Variants in TUBGCP3 observed in about 807,000 individuals in gnomAD.
TUBGCP3 encodes the protein tubulin gamma complex component 3, also known as gamma-tubulin complex component 3.
A neutral mutation model predicts 123.1 loss-of-function variants in TUBGCP3; 50 were observed. That is an observed-to-expected ratio of 0.41 (90% confidence interval 0.32 to 0.51). The LOEUF is 0.51. Among genes scored for constraint, TUBGCP3 ranks in the 20% least tolerant of loss-of-function variants. The pLI is 0.36. For missense variants in TUBGCP3, 882 were observed against 1,127.0 expected (o/e 0.78, Z 3.11); for synonymous variants, 405 against 413.9 (o/e 0.98, Z 0.26).
At chr13:112,587,870 G>T in intron 1 of TUBGCP3, 35 bp downstream of exon 1, 1 of 1,565,130 alleles carries the variant, frequency 6.4e-7, no homozygotes, top group Non-Finnish European at 8.7e-7. Context: ...CCCCCGGGAC[G>T]GGTCTGCGGG....
chr13:112,549,908 T>C lies in TUBGCP3; in HGVS notation c.967-1732A>G, dbSNP rs375243289. On this transcript the variant is annotated intron_variant, in intron 8 of 21. Coordinates refer to ENST00000261965, the MANE Select transcript of TUBGCP3 (RefSeq NM_006322.6). The stretch of plus-strand genomic sequence containing the variant: ...AGGAGGCTGAGGCAGGAGAATGGCT[T>C]GAACACAGGAGGCGGGGCTTGCAGT... Among the ~76,000 whole-genome samples, 4 of 144,738 alleles carry C rather than the reference T, an allele frequency of 2.8e-5. No individual in the cohort carries two copies. The East Asian group carries it at 6.1e-4, about 22-fold the overall frequency. 95.0% of individuals were successfully genotyped at this position (144,738 alleles called of 152,430 possible).
chr13:112,577,269 T>C (rs546461250), intron 1 of TUBGCP3, among the ~76,000 whole-genome samples: 1 of 152,244 alleles, frequency 6.6e-6, no homozygotes, highest in East Asian at 1.9e-4. Context: ...ACACACACCT[T>C]AGCCAAGCGA....
At chr13:112,553,342 C>T (rs781377264) in intron 8 of TUBGCP3, among the ~76,000 whole-genome samples, 11 of 152,242 alleles carry the variant, frequency 7.2e-5, no homozygotes, top group Admixed American at 1.3e-4. Flanking sequence ...TCCTGTGCTA[C>T]GCTGAGCTTA....
intron 19 of TUBGCP3, among the ~76,000 whole-genome samples, chr13:112,500,106 G>A (rs1213165247): frequency 1.3e-5 from 2 of 152,178 alleles, no homozygotes; most frequent in African/African-American, 4.8e-5. Context: ...AGTGTGCTAT[G>A]ACTGAAGAGA....
chr13:112,555,099 C>T (rs1218081328), intron 6 of TUBGCP3, 94 bp from the exon 7 acceptor site: 5 of 740,114 alleles, frequency 6.8e-6, no homozygotes, highest in Non-Finnish European at 1.1e-5. Context: ...TAGATATTTG[C>T]CACCCCGATG....
chr13:112,543,115 A>G (rs559400144), intron 11 of TUBGCP3, among the ~76,000 whole-genome samples: 2 of 152,290 alleles, frequency 1.3e-5, no homozygotes, highest in East Asian at 3.9e-4. Context: ...GCGCCACTGC[A>G]CTCCAGCCTG....
Position 112,519,519 on chromosome 13 carries a change from C to T in TUBGCP3, c.1881+367G>A, listed in dbSNP as rs1038720099. Among the ~76,000 whole-genome samples, 17 of 152,202 alleles carry T rather than the reference C, an allele frequency of 1.1e-4. No homozygotes were observed. The highest frequency in any genetic ancestry group is 3.4e-4 in the African/African-American group (14 of 41,450). The stretch of plus-strand genomic sequence containing the variant: ...GCATCCATTTTCTGATAAATACCAT[C>T]GTACACCATGTCTTGTGCTCCTGTT... On this transcript the variant is annotated intron_variant, in intron 15 of 21. Transcript: ENST00000261965. The surrounding 1 kb of genome is among the most constrained non-coding windows in gnomAD (Gnocchi z 6.2).
Position 112,527,021 on chromosome 13 carries a change from G to T in TUBGCP3, c.1476C>A (p.Phe492Leu). The T allele has an allele frequency of 1.2e-6, 2 of 1,613,214 alleles. No homozygotes were observed. The highest frequency in any genetic ancestry group is 1.7e-6 in the Non-Finnish European group (2 of 1,179,504). Residue 492 changes from phenylalanine (F) to leucine (L), a missense_variant, in exon 13 of 22, where the codon TTC (phenylalanine) becomes TTA (leucine). Physicochemically the swap from Phe to Leu is conservative, Grantham distance 22 (BLOSUM62 0). Transcript: ENST00000261965. Reference protein sequence around the residue: ...KVLLIGKSINFLHQVCHDQTP... With the variant: ...KVLLIGKSINLLHQVCHDQTP... The stretch of plus-strand genomic sequence containing the variant: ...TCTGATCATGACAAACTTGGTGCAA[G>T]AAATTTATTGATTTTCCTATCAAAA...
chr13:112,502,542 C>CTTTT lies in TUBGCP3; in HGVS notation c.2307+1486_2307+1489dup, dbSNP rs10710530. 1.0e-3 allele frequency among the ~76,000 whole-genome samples: 119 copies of CTTTT among 114,340 alleles called. 1 individual carries two copies. The highest frequency in any genetic ancestry group is 1.4e-3 in the African/African-American group (38 of 28,090). The allele number at this position is 114,340 out of a possible 152,430, so 75.0% of individuals were successfully genotyped here. A position where few individuals can be genotyped will look rare whatever the true frequency, so the allele number is the denominator to read the frequency against. On this transcript the variant is annotated intron_variant, in intron 19 of 21. Transcript: ENST00000261965. ...TCAAACCTCAAGAAGTACATTTCTT[C>CTTTT]TTTTTTTTTTTTTTTTTTTTTGAGA...
intron 1 of TUBGCP3, among the ~76,000 whole-genome samples, chr13:112,570,737 G>A (rs924874116): frequency 3.9e-5 from 6 of 152,168 alleles, no homozygotes; most frequent in Non-Finnish European, 5.9e-5. Context: ...CTTCTCTATA[G>A]CATGTGATGT....
chr13:112,593,030 GA>G (rs1882909240), upstream of TUBGCP3, among the ~76,000 whole-genome samples: 1 of 152,204 alleles, frequency 6.6e-6, no homozygotes, highest in Non-Finnish European at 1.5e-5. Flanking sequence ...GCATTAGAAA[GA>G]AAGAGATTAA....
chr13:112,597,483 G>A, the TUBGCP3 span, among the ~76,000 whole-genome samples: 2 of 152,284 alleles, frequency 1.3e-5, no homozygotes, highest in South Asian at 2.1e-4. Flanking sequence ...AGGAGACAAC[G>A]AGTGTTTTGG....
At position 112,527,967 on chromosome 13, in the gene TUBGCP3, C is replaced by A. The variant is rs578262015; in HGVS notation, c.1336-483G>T. 3.2e-3 allele frequency among the ~76,000 whole-genome samples: 495 copies of A among 152,358 alleles called. 3 individuals are homozygous for A. Among genetic ancestry groups the A allele is most frequent in the Non-Finnish European group, 5.3e-3 (361 of 68,038 alleles). The stretch of plus-strand genomic sequence containing the variant: ...ACAAGTCCCAAGCTCTATGGGCAGA[C>A]CTTGCTGTACATGTACCCATGTGTA... On this transcript the variant is annotated intron_variant, in intron 11 of 21. Coordinates refer to ENST00000261965, the MANE Select transcript of TUBGCP3 (RefSeq NM_006322.6).
chr13:112,570,604 G>A (rs780745932), intron 1 of TUBGCP3, among the ~76,000 whole-genome samples: 4 of 152,300 alleles, frequency 2.6e-5, no homozygotes, highest in Middle Eastern at 3.4e-3. Flanking sequence ...CTGGTGGAGG[G>A]TCTCACCTTG....
chr13:112,500,951 G>GT (rs1389786505), intron 19 of TUBGCP3, among the ~76,000 whole-genome samples: 8 of 152,344 alleles, frequency 5.3e-5, no homozygotes, highest in African/African-American at 1.9e-4. Flanking sequence ...GCTGAAATGA[G>GT]TATTTGCTGA....
In TUBGCP3 at chr13:112,503,964, T is replaced by C; in HGVS notation, c.2307+68A>G. ...CAGGGCATTTCTAAGATTCCCCCAT[T>C]TGACAGGAACCCAAGAAAAGAAGAT... On this transcript the variant is annotated intron_variant, in intron 19 of 21. Transcript: ENST00000261965. 2.6e-6 allele frequency: 4 copies of C among 1,531,338 alleles called. 1 individual carries two copies. In the East Asian group the frequency reaches 9.2e-5, roughly 35 times the overall value. The allele number at this position is 1,531,338 out of a possible 1,614,324, so 94.9% of individuals were successfully genotyped here.
chr13:112,596,522 A>T, the TUBGCP3 span, among the ~76,000 whole-genome samples: 2 of 151,258 alleles, frequency 1.3e-5, no homozygotes, highest in African/African-American at 2.4e-5. Context: ...TGTTTTCAAT[A>T]TTTTTTTTTC....
chr13:112,592,426 C>T (rs1882898098), upstream of TUBGCP3, among the ~76,000 whole-genome samples: 1 of 152,176 alleles, frequency 6.6e-6, no homozygotes, highest in Non-Finnish European at 1.5e-5. This position sits in a 1 kb window ranked among gnomAD's most constrained non-coding sequence, Gnocchi z 4.1. Context: ...AACCAGAGGC[C>T]TCACTGAGAG....
intron 11 of TUBGCP3, chr13:112,544,487 A>G (rs1878824621): frequency 6.8e-6 from 1 of 147,424 alleles, no homozygotes; most frequent in Non-Finnish European, 1.5e-5. Context: ...ATGCATCCCC[A>G]CAACCCAGCA....
Sources: gnomAD v4.1 joint callset for allele counts (sites outside exome capture counted in the v4.1 genomes callset) on GRCh38, gnomAD v4.1.1 for gene constraint, Gnocchi (gnomAD v3.1) non-coding constraint, MANE v1.5 for transcripts, NCBI Gene and HGNC (gene_info 2026-07-23, HGNC 2026-07-21) for gene names.